Variants in ZNF713 observed in about 807,000 individuals in gnomAD.
The protein encoded by ZNF713 is zinc finger protein 713.
Under a neutral mutation model 28.7 loss-of-function variants are expected in ZNF713, and 21 were observed. The observed-to-expected ratio is 0.73, with a 90% CI of 0.52 to 1.05. The LOEUF (loss-of-function observed/expected upper bound fraction) is 1.05. Among genes scored for constraint, ZNF713 ranks in the 50% least tolerant of loss-of-function variants. ZNF713 has a pLI of 0.00. For missense variants in ZNF713, 458 were observed against 532.4 expected, an observed-to-expected ratio of 0.86 and a Z score of 1.37; for synonymous variants, 167 against 178.0, an observed-to-expected ratio of 0.94 and a Z score of 0.49.
At chr7:55,923,345 C>G in intron 5 of ZNF713, 57 bp downstream of exon 5, 1 of 1,557,920 alleles carries the variant, frequency 6.4e-7, no homozygotes, top group African/African-American at 1.4e-5. Context: ...ATTTCCTGAA[C>G]TAGTAGAAGC....
chr7:55,910,817 C>G (rs1207449143), intron 2 of ZNF713, among the ~76,000 whole-genome samples: 1 of 152,096 alleles, frequency 6.6e-6, no homozygotes. Context: ...CAGCTTCTAC[C>G]CATGGGTTCT....
intron 1 of ZNF713, among the ~76,000 whole-genome samples, chr7:55,904,500 C>T (rs1475266667): frequency 7.3e-6 from 1 of 136,068 alleles, no homozygotes. Flanking sequence ...TAATGAGGTC[C>T]ATTGCATGAA....
At chr7:55,888,335 C>A (rs181747874) in intron 1 of ZNF713, among the ~76,000 whole-genome samples, 5 of 152,096 alleles carry the variant, frequency 3.3e-5, no homozygotes, top group Non-Finnish European at 5.9e-5. Flanking sequence ...TGCAGTGACA[C>A]TTTTATTACA....
At chr7:55,921,309 T>C (rs933400430) in intron 4 of ZNF713, among the ~76,000 whole-genome samples, 22 of 152,308 alleles carry the variant, frequency 1.4e-4, no homozygotes, top group African/African-American at 5.1e-4. Context: ...ACAACAACCA[T>C]TCTGCAGCCC....
chr7:55,895,263 A>G (rs1276497332), intron 1 of ZNF713, among the ~76,000 whole-genome samples: 1 of 152,148 alleles, frequency 6.6e-6, no homozygotes, highest in African/African-American at 2.4e-5. Flanking sequence ...ACTGAAGGGA[A>G]TACGTATACC....
At chr7:55,909,941 G>A (rs1174773288) in intron 2 of ZNF713, among the ~76,000 whole-genome samples, 3 of 150,834 alleles carry the variant, frequency 2.0e-5, no homozygotes, top group Admixed American at 6.6e-5. Flanking sequence ...ATGTATGTGT[G>A]TATATATATG....
chr7:55,889,694 T>TA (rs75121088), intron 1 of ZNF713, among the ~76,000 whole-genome samples: 42,753 of 151,996 alleles, frequency 0.28, 6,421 homozygotes, highest in Middle Eastern at 0.39. Context: ...ACTTTTTTTT[T>TA]ACCCCCAAAA....
chr7:55,928,785 T>C (rs929584757), intron 6 of ZNF713, among the ~76,000 whole-genome samples: 7 of 152,058 alleles, frequency 4.6e-5, no homozygotes, highest in Non-Finnish European at 1.0e-4. Context: ...CCTGAATAAA[T>C]AGACATGCCA....
intron 1 of ZNF713, among the ~76,000 whole-genome samples, chr7:55,888,065 C>T (rs1011056089): frequency 1.3e-5 from 2 of 152,090 alleles, no homozygotes; most frequent in Non-Finnish European, 2.9e-5. Context: ...GACTCTGAGG[C>T]TGAAGAAAAA....
intron 1 of ZNF713, among the ~76,000 whole-genome samples, chr7:55,897,114 TAGTA>T (rs1785487154): frequency 1.3e-5 from 2 of 151,848 alleles, no homozygotes; most frequent in South Asian, 2.1e-4. Flanking sequence ...AATACTAAAT[TAGTA>T]AGAGGGAAAT....
intron 4 of ZNF713, 121 bp from the exon 5 acceptor site, chr7:55,923,039 TCA>T: frequency 1.8e-6 from 2 of 1,094,334 alleles, no homozygotes; most frequent in Non-Finnish European, 1.2e-6. Context: ...CCTGAACAAC[TCA>T]GAGTCCTGAA....
At chr7:55,932,884 C>A (rs1786266061) in intron 6 of ZNF713, among the ~76,000 whole-genome samples, 1 of 39,360 alleles carries the variant, frequency 2.5e-5, no homozygotes, top group Admixed American at 3.1e-4. Flanking sequence ...GAGCGAGACT[C>A]CGTCTCAAAA....
At position 55,939,163 on chromosome 7, in the gene ZNF713, T is replaced by C. The variant is rs1313549027; in HGVS notation, c.489T>C (p.Tyr163=). The C allele has an allele frequency of 6.2e-7, 1 of 1,614,008 alleles. No homozygotes were observed. The highest frequency in any genetic ancestry group is 8.5e-7 in the Non-Finnish European group (1 of 1,179,964). The change falls in exon 7 of 7, where the codon TAT becomes TAC. Residue 163 remains tyrosine, a synonymous_variant. Transcript: ENST00000429591. The part of the protein sequence containing the change: ...PEFNQENHKR[Y]LGQVTLTHKK... ...TTAACCAAGAAAACCACAAGAGATATTTAGGACAAGTAACTTTGACCCACA... is the reference window on the plus strand; with the variant it reads ...TTAACCAAGAAAACCACAAGAGATACTTAGGACAAGTAACTTTGACCCACA...
chr7:55,891,449 A>T (rs1785378006), intron 1 of ZNF713, among the ~76,000 whole-genome samples: 2 of 151,546 alleles, frequency 1.3e-5, no homozygotes, highest in African/African-American at 4.9e-5. Context: ...TATTTAATAG[A>T]AAAAAAATTA....
chr7:55,890,316 G>T (rs778553489), intron 1 of ZNF713, among the ~76,000 whole-genome samples: 1 of 151,990 alleles, frequency 6.6e-6, no homozygotes, highest in Non-Finnish European at 1.5e-5. Context: ...CGGGTGTGGT[G>T]GTGGGTGCCT....
intron 5 of ZNF713, 52 bp downstream of exon 5, chr7:55,923,340 C>A: frequency 6.4e-7 from 1 of 1,565,464 alleles, no homozygotes; most frequent in South Asian, 1.2e-5. Context: ...GGTTTATTTC[C>A]TGAACTAGTA....
chr7:55,928,755 C>A (rs1024822637), intron 6 of ZNF713, among the ~76,000 whole-genome samples: 1 of 152,164 alleles, frequency 6.6e-6, no homozygotes, highest in Non-Finnish European at 1.5e-5. Flanking sequence ...TTAAACACTT[C>A]CGACAGACAC....
At chr7:55,895,349 G>C (rs571533605) in intron 1 of ZNF713, among the ~76,000 whole-genome samples, 12 of 151,764 alleles carry the variant, frequency 7.9e-5, no homozygotes, top group African/African-American at 2.9e-4. Flanking sequence ...TTTCAGGCTT[G>C]GTGTTGCTAT....
At chr7:55,908,506 G>C (rs1406091024) in intron 2 of ZNF713, among the ~76,000 whole-genome samples, 1 of 151,928 alleles carries the variant, frequency 6.6e-6, no homozygotes, top group Admixed American at 6.6e-5. Context: ...GTATCTCCTT[G>C]TGGTTTGAAT....
Sources: allele counts gnomAD v4.1 joint callset (sites outside exome capture counted in the v4.1 genomes callset), GRCh38; gene constraint gnomAD v4.1.1; transcripts MANE v1.5; gene names NCBI Gene and HGNC (gene_info 2026-07-23, HGNC 2026-07-21).